HMCN1: variants seen among roughly 807,000 people sequenced by gnomAD.
HMCN1 encodes the protein hemicentin-1.
In HMCN1, 321 loss-of-function variants were observed where a neutral mutation model predicts 625.9. The ratio of observed to expected loss-of-function variants is 0.51; its 90% CI spans 0.47 to 0.56. HMCN1 has a LOEUF of 0.56. HMCN1 is among the 20% of genes least tolerant of loss of function. The pLI is 0.00. For missense variants in HMCN1, 6,588 were observed against 6,887.3 expected (o/e 0.96, Z 1.54); for synonymous variants, 2,425 against 2,417.6 (o/e 1.00, Z -0.09).
At chr1:185,934,726 A>G (rs1440695035) in intron 11 of HMCN1, among the ~76,000 whole-genome samples, 1 of 152,140 alleles carries the variant, frequency 6.6e-6, no homozygotes, top group Non-Finnish European at 1.5e-5. Context: ...GGGTCTAGCT[A>G]TTTGATTGTG....
intron 36 of HMCN1, among the ~76,000 whole-genome samples, chr1:186,026,868 C>G (rs558206597): frequency 6.6e-6 from 1 of 151,970 alleles, no homozygotes; most frequent in African/African-American, 2.4e-5. Context: ...CTCCTGGGCT[C>G]AAGACATCTG....
chr1:185,960,220 C>A (rs1321049255), intron 11 of HMCN1, among the ~76,000 whole-genome samples: 2 of 151,084 alleles, frequency 1.3e-5, no homozygotes, highest in African/African-American at 4.9e-5. Context: ...CCTCTGCCTC[C>A]CAGGTTCAAG....
intron 46 of HMCN1, among the ~76,000 whole-genome samples, chr1:186,058,559 T>C (rs1657495259): frequency 1.3e-5 from 2 of 151,974 alleles, no homozygotes; most frequent in African/African-American, 4.8e-5. Flanking sequence ...TAATCCAAAG[T>C]AAATTTAAAT....
chr1:185,949,470 G>A (rs1466677940), intron 11 of HMCN1, among the ~76,000 whole-genome samples: 1 of 151,910 alleles, frequency 6.6e-6, no homozygotes, highest in Admixed American at 6.6e-5. Flanking sequence ...TCCTTTTTAA[G>A]TTGGTGGCTG....
intron 1 of HMCN1, among the ~76,000 whole-genome samples, chr1:185,781,171 A>C (rs1008580289): frequency 6.6e-6 from 1 of 152,102 alleles, no homozygotes; most frequent in Non-Finnish European, 1.5e-5. Flanking sequence ...GGTAGTTTGT[A>C]TTTCTGTGCA....
intron 36 of HMCN1, among the ~76,000 whole-genome samples, chr1:186,034,155 T>C (rs1291790832): frequency 1.3e-5 from 2 of 152,198 alleles, no homozygotes; most frequent in South Asian, 2.1e-4. Context: ...AGAAGAATGT[T>C]CCACACACTT....
chr1:185,819,589 G>T (rs895412687), intron 1 of HMCN1, among the ~76,000 whole-genome samples: 1 of 151,048 alleles, frequency 6.6e-6, no homozygotes, highest in African/African-American at 2.4e-5. Context: ...TTATTCTTGC[G>T]GTCTTTTTTA....
chr1:186,071,498 C>G (rs919768091), intron 52 of HMCN1, among the ~76,000 whole-genome samples: 7 of 152,160 alleles, frequency 4.6e-5, no homozygotes, highest in Non-Finnish European at 8.8e-5. Context: ...GATTTTTAAG[C>G]AGCTGTTAAC....
intron 58 of HMCN1, among the ~76,000 whole-genome samples, 188 bp downstream of exon 58, chr1:186,086,595 A>G (rs1350360518): frequency 6.6e-6 from 1 of 152,098 alleles, no homozygotes; most frequent in Non-Finnish European, 1.5e-5. Flanking sequence ...TTTAGTGGGA[A>G]TGTACAAATA....
chr1:185,892,959 C>A (rs182219675), intron 4 of HMCN1, among the ~76,000 whole-genome samples: 9,501 of 151,942 alleles, frequency 0.063, 1,047 homozygotes, highest in African/African-American at 0.22. Context: ...TAGCAATCAG[C>A]GAGACTCCGT....
intron 50 of HMCN1, among the ~76,000 whole-genome samples, chr1:186,069,000 T>C (rs569456826): frequency 6.6e-6 from 1 of 152,266 alleles, no homozygotes; most frequent in South Asian, 2.1e-4. Context: ...ATTTAGTTGA[T>C]TGGCAATGAG....
intron 4 of HMCN1, among the ~76,000 whole-genome samples, chr1:185,876,036 A>G (rs1221125311): frequency 6.6e-6 from 1 of 152,012 alleles, no homozygotes; most frequent in Admixed American, 6.6e-5. Context: ...ACATATACCC[A>G]GTAGGTAATT....
intron 49 of HMCN1, among the ~76,000 whole-genome samples, chr1:186,066,009 G>A (rs1658086232): frequency 6.6e-6 from 1 of 152,052 alleles, no homozygotes; most frequent in African/African-American, 2.4e-5. Context: ...AATTTGTATA[G>A]TTGTTTGTTT....
At position 185,994,859 on chromosome 1, in the gene HMCN1, G is replaced by C; in HGVS notation, c.3550G>C (p.Val1184Leu). 1 of 1,613,706 alleles carries C rather than the reference G, an allele frequency of 6.2e-7. No homozygotes were observed. The highest frequency in any genetic ancestry group is 8.5e-7 in the Non-Finnish European group (1 of 1,179,706). Residue 1184 changes from valine (V) to leucine (L), a missense_variant, in exon 24 of 107, where the codon GTT (valine) becomes CTT (leucine). Physicochemically the swap from Val to Leu is conservative, Grantham distance 32. Transcript: ENST00000271588. ...QRGPKHLKVQ[V>L]GQRVDIPCNA... ...TGGACCTAAACATCTCAAAGTCCAA[G>C]TTGGTCAAAGAGTGGATATTCCATG...
chr1:186,005,453 A>G (rs1333773850), intron 29 of HMCN1, among the ~76,000 whole-genome samples: 2 of 150,594 alleles, frequency 1.3e-5, no homozygotes, highest in African/African-American at 4.9e-5. Flanking sequence ...TTGTTTATAA[A>G]TGTTTATAAA....
intron 1 of HMCN1, among the ~76,000 whole-genome samples, chr1:185,742,769 A>C (rs1012414854): frequency 2.6e-5 from 4 of 152,208 alleles, no homozygotes; most frequent in Non-Finnish European, 5.9e-5. Flanking sequence ...GGTAACTCTT[A>C]TTTCTCAGGA....
chr1:185,797,637 AGTTGTTTTATAGTCTCATTTATGCAATT>A (rs1243432001), intron 1 of HMCN1, among the ~76,000 whole-genome samples: 4 of 152,106 alleles, frequency 2.6e-5, no homozygotes, highest in African/African-American at 9.7e-5. Flanking sequence ...ATTGTTACCT[AGTTGTTTTATAGTCTCATTTATGCAATT>A]GCTTTATAAG....
rs145732797 is a variant in HMCN1, at chr1:186,095,345, G to T, written c.10397G>T (p.Ser3466Ile). 2.2e-5 allele frequency: 36 copies of T among 1,613,750 alleles called. No homozygotes were observed. In the African/African-American group the frequency reaches 4.5e-4, roughly 20 times the overall value. The change falls in exon 68 of 107, where the codon AGT becomes ATT. Residue 3466 changes from serine to isoleucine, a missense_variant. Physicochemically the swap from Ser to Ile is moderately radical, Grantham distance 142 (BLOSUM62 -2). Transcript: ENST00000271588. ...ACITDGTPAP[S>I]MAWLRDGQPL... is the part of the protein sequence containing the mutation. ...ATTACTGATGGAACCCCAGCTCCCAGTATGGCCTGGCTTAGAGATGGCCAG... is the reference window on the plus strand; with the variant it reads ...ATTACTGATGGAACCCCAGCTCCCATTATGGCCTGGCTTAGAGATGGCCAG...
chr1:185,846,561 A>G lies in HMCN1; in HGVS notation c.339+465A>G, dbSNP rs1432394164. 2.6e-5 allele frequency among the ~76,000 whole-genome samples: 4 copies of G among 152,360 alleles called. No homozygotes were observed. In the East Asian group the frequency reaches 7.7e-4, roughly 29 times the overall value. On this transcript the variant is annotated intron_variant, in intron 2 of 106. Transcript: ENST00000271588. Reference sequence around the variant, plus strand: ...ATAACTTGGTTATTAGAGAAGATGAATCACATTGGTTTAAATGTTATTCTG... The same window carrying G: ...ATAACTTGGTTATTAGAGAAGATGAGTCACATTGGTTTAAATGTTATTCTG...
Sources: allele counts gnomAD v4.1 joint callset (sites outside exome capture counted in the v4.1 genomes callset), GRCh38; gene constraint gnomAD v4.1.1; transcripts MANE v1.5; gene names NCBI Gene and HGNC (gene_info 2026-07-23, HGNC 2026-07-21).